Variants in ACVR1 observed in about 807,000 individuals in gnomAD.
ACVR1 encodes the protein activin receptor type-1.
In ACVR1, 38 loss-of-function variants were observed where a neutral mutation model predicts 57.1. The observed-to-expected ratio is 0.67, with a 90% confidence interval of 0.51 to 0.87. The LOEUF is 0.87. Ranked by LOEUF, ACVR1 falls within the 40% of genes least tolerant of loss-of-function variation. The pLI is 0.00. For missense variants in ACVR1, 463 were observed against 638.2 expected (o/e 0.73, Z 2.96); for synonymous variants, 212 against 228.1 (o/e 0.93, Z 0.63).
intron 9 of ACVR1, among the ~76,000 whole-genome samples, chr2:157,759,050 T>C (rs1574028762): frequency 6.6e-6 from 1 of 151,890 alleles, no homozygotes; most frequent in East Asian, 1.9e-4. Flanking sequence ...AGCTGAAAGA[T>C]TCCAAATAAA....
chr2:157,796,976 A>G (rs1687147271), intron 3 of ACVR1, among the ~76,000 whole-genome samples: 2 of 152,256 alleles, frequency 1.3e-5, no homozygotes, highest in Admixed American at 1.3e-4. Flanking sequence ...CTAGATATCT[A>G]AAATGGTCTA....
At chr2:157,746,548 C>T (rs767576291) in intron 9 of ACVR1, among the ~76,000 whole-genome samples, 6 of 152,200 alleles carry the variant, frequency 3.9e-5, no homozygotes. Context: ...TGTATCCAAC[C>T]AAATTGGTGT....
chr2:157,812,354 TACAAA>T lies in ACVR1; in HGVS notation c.-8+6026_-8+6030del, dbSNP rs1049759464. Among the ~76,000 whole-genome samples, 27 of 152,168 alleles carry T rather than the reference TACAAA, an allele frequency of 1.8e-4. No homozygotes were observed. In the Middle Eastern group the frequency reaches 0.01, roughly 58 times the overall value. ...GGGGAAACCCCAGGTTTAAGAGACT[TACAAA>T]ACATAAAGAGATAATACGAGACCAA... On this transcript the variant is annotated intron_variant, in intron 2 of 10. Transcript: ENST00000434821.
chr2:157,752,513 C>T (rs574151011), intron 9 of ACVR1, among the ~76,000 whole-genome samples: 15 of 152,292 alleles, frequency 9.8e-5, no homozygotes, highest in African/African-American at 3.6e-4. Context: ...TTAAGCTAAT[C>T]AAGGAGGCAC....
At chr2:157,789,144 T>C (rs902962091) in intron 3 of ACVR1, among the ~76,000 whole-genome samples, 4 of 152,194 alleles carry the variant, frequency 2.6e-5, no homozygotes, top group Admixed American at 6.5e-5. Flanking sequence ...ACAGTTAAAT[T>C]TGAGTCATTT....
intron 2 of ACVR1, among the ~76,000 whole-genome samples, chr2:157,806,389 A>G (rs1214762808): frequency 6.6e-6 from 1 of 152,050 alleles, no homozygotes; most frequent in Non-Finnish European, 1.5e-5. Context: ...TCTAGCCCCC[A>G]TCCTCCATCC....
intron 5 of ACVR1, among the ~76,000 whole-genome samples, chr2:157,777,880 G>C (rs1282985596): frequency 6.6e-6 from 1 of 152,110 alleles, no homozygotes. Context: ...ACCCCTCAGA[G>C]AAAAGTAACT....
rs113118396 is a variant in ACVR1, at chr2:157,769,059, G to A, written c.790+1309C>T. On this transcript the variant is annotated intron_variant, in intron 7 of 10. Coordinates refer to ENST00000434821, the MANE Select transcript of ACVR1 (RefSeq NM_001111067.4). ...ATTCCACTGGGCAAAACTAAAAGGG[G>A]CCAAGAGGTTTTGACGGAGGAAGGA... 2.0e-5 allele frequency among the ~76,000 whole-genome samples: 3 copies of A among 152,318 alleles called. 1 individual carries two copies. The highest frequency in any genetic ancestry group is 7.2e-5 in the African/African-American group (3 of 41,570).
At chr2:157,784,964 C>G (rs1028693629) in intron 3 of ACVR1, among the ~76,000 whole-genome samples, 3 of 152,240 alleles carry the variant, frequency 2.0e-5, no homozygotes, top group Non-Finnish European at 4.4e-5. Context: ...CTTTAGCAAT[C>G]ACAACACTGT....
At chr2:157,744,502 A>G (rs1186769805) in intron 9 of ACVR1, among the ~76,000 whole-genome samples, 2 of 152,208 alleles carry the variant, frequency 1.3e-5, no homozygotes, top group Non-Finnish European at 2.9e-5. Context: ...CATTTCCAGC[A>G]GTGATAATAA....
chr2:157,825,025 A>G (rs1688292003), intron 1 of ACVR1, among the ~76,000 whole-genome samples: 1 of 152,088 alleles, frequency 6.6e-6, no homozygotes, highest in Admixed American at 6.6e-5. Context: ...AGATTACAGG[A>G]GTGAGAGATT....
At chr2:157,773,310 TAA>T (rs1160333226) in intron 6 of ACVR1, among the ~76,000 whole-genome samples, 2 of 152,070 alleles carry the variant, frequency 1.3e-5, no homozygotes, top group African/African-American at 4.8e-5. Flanking sequence ...AAACAAGCTG[TAA>T]AAAACATTTA....
At chr2:157,774,708 C>T (rs1686210915) in intron 5 of ACVR1, among the ~76,000 whole-genome samples, 1 of 152,176 alleles carries the variant, frequency 6.6e-6, no homozygotes, top group Admixed American at 6.5e-5. Flanking sequence ...TAGCACTTCA[C>T]CTAATATATG....
intron 2 of ACVR1, among the ~76,000 whole-genome samples, chr2:157,803,059 T>C (rs1687384851): frequency 1.3e-5 from 2 of 152,022 alleles, no homozygotes; most frequent in African/African-American, 2.4e-5. Flanking sequence ...CTGTAGAATT[T>C]AGCTCAAGTA....
At chr2:157,851,856 AACACACACACACACAC>A (rs746520168) in intron 1 of ACVR1, among the ~76,000 whole-genome samples, 1 of 99,114 alleles carries the variant, frequency 1.0e-5, no homozygotes, top group African/African-American at 4.1e-5. Flanking sequence ...GAGACAGAGA[AACACACACACACACAC>A]ACACACACAC....
intron 9 of ACVR1, among the ~76,000 whole-genome samples, chr2:157,743,518 T>C (rs10497188): frequency 0.035 from 5,319 of 152,148 alleles, 119 homozygotes; most frequent in Non-Finnish European, 0.054. Flanking sequence ...ATGTTGATTA[T>C]ATATGTCCAT....
chr2:157,841,660 C>T lies in ACVR1; in HGVS notation c.-182-23101G>A, dbSNP rs114295485. The stretch of plus-strand genomic sequence containing the variant: ...TTCAAGGTTGGAGGCTATAGTGTAC[C>T]ATGATCTTGCCTGTGAATAGCCACT... On this transcript the variant is annotated intron_variant, in intron 1 of 10. Coordinates refer to ENST00000434821, the MANE Select transcript of ACVR1 (RefSeq NM_001111067.4). Among the ~76,000 whole-genome samples, 374 of 152,148 alleles carry T rather than the reference C, an allele frequency of 2.5e-3. 2 individuals are homozygous for T. The highest frequency in any genetic ancestry group is 3.9e-3 in the Non-Finnish European group (267 of 67,994).
Position 157,761,165 on chromosome 2 carries a change from G to A in ACVR1, c.1067-88C>T, listed in dbSNP as rs556746617. 480 of 1,272,358 alleles carry A rather than the reference G, an allele frequency of 3.8e-4. 4 individuals carry two copies. In the South Asian group the frequency reaches 4.2e-3, roughly 11 times the overall value. 78.8% of individuals were successfully genotyped at this position (1,272,358 alleles called of 1,614,324 possible). Reference sequence around the variant, plus strand: ...GATTTTAAACCAACCCCAATCAAAAGTGCCCTCTTGTGGATCCAGGGTCAC... The same window carrying A: ...GATTTTAAACCAACCCCAATCAAAAATGCCCTCTTGTGGATCCAGGGTCAC... On this transcript the variant is annotated intron_variant, in intron 8 of 10. Transcript: ENST00000434821.
chr2:157,873,443 T>G (rs1290603951), intron 1 of ACVR1, among the ~76,000 whole-genome samples: 1 of 152,234 alleles, frequency 6.6e-6, no homozygotes. Context: ...CAAAGAGTTT[T>G]GCCACCATCA....
Sources: gnomAD v4.1 joint callset for allele counts (sites outside exome capture counted in the v4.1 genomes callset) on GRCh38, gnomAD v4.1.1 for gene constraint, MANE v1.5 for transcripts, NCBI Gene and HGNC (gene_info 2026-07-23, HGNC 2026-07-21) for gene names.